PRKAR1A: variants seen among roughly 807,000 people sequenced by gnomAD.
The protein encoded by PRKAR1A is cAMP-dependent protein kinase type I-alpha regulatory subunit.
A neutral mutation model predicts 52.0 loss-of-function variants in PRKAR1A; 3 were observed. That is an observed-to-expected ratio of 0.06 (90% CI 0.03 to 0.15). The LOEUF is 0.15. Among genes scored for constraint, PRKAR1A ranks in the 10% least tolerant of loss-of-function variants. The pLI, the probability that PRKAR1A is intolerant of heterozygous loss-of-function variation, is 1.00. For synonymous variants in PRKAR1A, 188 were observed against 168.4 expected (o/e 1.12, Z -0.90); for missense variants, 240 against 477.4 (o/e 0.50, Z 4.63).
chr17:68,487,708 G>C, the PRKAR1A span, among the ~76,000 whole-genome samples: 1 of 151,972 alleles, frequency 6.6e-6, no homozygotes, highest in East Asian at 1.9e-4. Flanking sequence ...GGCTGAGGCA[G>C]GAGAATGGCT....
chr17:68,483,052 G>T, the PRKAR1A span, among the ~76,000 whole-genome samples: 4 of 151,998 alleles, frequency 2.6e-5, no homozygotes, highest in South Asian at 8.3e-4. Flanking sequence ...AGTCAGAAAA[G>T]AATTTCTTAT....
At chr17:68,428,822 T>C in the PRKAR1A span, 4 of 1,608,542 alleles carry the variant, frequency 2.5e-6, no homozygotes, top group East Asian at 8.9e-5. Context: ...AAAAGCAGTC[T>C]CTTCACCTGT....
chr17:68,466,965 G>T, the PRKAR1A span, among the ~76,000 whole-genome samples: 20 of 152,064 alleles, frequency 1.3e-4, no homozygotes, highest in Non-Finnish European at 2.9e-5. Flanking sequence ...TCAGCTTTCT[G>T]TTTCTATGGA....
the PRKAR1A span, among the ~76,000 whole-genome samples, chr17:68,485,736 T>A: frequency 6.6e-6 from 1 of 152,142 alleles, no homozygotes; most frequent in Non-Finnish European, 1.5e-5. Context: ...TAAAGAAACA[T>A]ACTTTAAGTT....
At chr17:68,517,825 A>G (rs1410411647) in intron 2 of PRKAR1A, among the ~76,000 whole-genome samples, 1 of 152,162 alleles carries the variant, frequency 6.6e-6, no homozygotes, top group African/African-American at 2.4e-5. Flanking sequence ...TTCAAGTCCA[A>G]AGTCTCATCT....
At chr17:68,455,601 G>A in the PRKAR1A span, among the ~76,000 whole-genome samples, 1 of 152,176 alleles carries the variant, frequency 6.6e-6, no homozygotes, top group Non-Finnish European at 1.5e-5. Context: ...GCAACTGACT[G>A]TGACAAGAAC....
downstream of PRKAR1A, chr17:68,537,462 G>A (rs914185104): frequency 1.2e-5 from 19 of 1,613,930 alleles, no homozygotes; most frequent in Non-Finnish European, 1.5e-5. This position sits in a 1 kb window ranked among gnomAD's most constrained non-coding sequence, Gnocchi z 4.2. Flanking sequence ...TTCTGAAACT[G>A]GACTCTGCCA....
chr17:68,479,382 A>G, the PRKAR1A span, among the ~76,000 whole-genome samples: 23 of 151,960 alleles, frequency 1.5e-4, no homozygotes, highest in South Asian at 8.3e-4. Flanking sequence ...TGATTTTGCA[A>G]TTTTGCTTTG....
chr17:68,438,340 A>G, the PRKAR1A span, among the ~76,000 whole-genome samples: 3 of 152,148 alleles, frequency 2.0e-5, no homozygotes, highest in Admixed American at 1.3e-4. Flanking sequence ...GGAAACCCCA[A>G]TTCCTCACCC....
chr17:68,499,147 C>T, the PRKAR1A span, among the ~76,000 whole-genome samples: 2 of 152,218 alleles, frequency 1.3e-5, no homozygotes, highest in Non-Finnish European at 2.9e-5. Context: ...GTCATGAGCT[C>T]TTCAGACTCA....
the PRKAR1A span, among the ~76,000 whole-genome samples, chr17:68,458,768 G>A: frequency 6.6e-6 from 1 of 152,142 alleles, no homozygotes; most frequent in Non-Finnish European, 1.5e-5. Flanking sequence ...AACTGCTGAT[G>A]GATTTTTAAT....
At chr17:68,542,237 A>C in intron 11 of PRKAR1A, 1 of 1,536,344 alleles carries the variant, frequency 6.5e-7, no homozygotes, top group Admixed American at 1.7e-5. Context: ...TGGCCTAGGA[A>C]ATCCACTGGG....
chr17:68,526,011 G>A, intron 7 of PRKAR1A, 99 bp downstream of exon 7: 1 of 1,405,214 alleles, frequency 7.1e-7, no homozygotes, highest in Non-Finnish European at 9.8e-7. Flanking sequence ...TTCTTTTAAT[G>A]AGCAAATATT....
chr17:68,530,737 G>T lies in PRKAR1A; in HGVS notation c.*288G>T. ...TGGGCAGTGAGTGCCATGCTTTTTG[G>T]TGAGGGCAGATCCCAGCACCTATTG... On this transcript the variant is annotated 3_prime_UTR_variant, in exon 11 of 11. Coordinates refer to ENST00000589228, the MANE Select transcript of PRKAR1A (RefSeq NM_002734.5). 4 of 1,344,732 alleles carry T rather than the reference G, an allele frequency of 3.0e-6. No homozygotes were observed. Among genetic ancestry groups the T allele is most frequent in the East Asian group, 3.1e-5 (1 of 32,370 alleles). 83.3% of individuals were successfully genotyped at this position (1,344,732 alleles called of 1,614,324 possible). A position where few individuals can be genotyped will look rare whatever the true frequency, so the allele number is the denominator to read the frequency against.
chr17:68,477,568 T>C, the PRKAR1A span, among the ~76,000 whole-genome samples: 1 of 152,230 alleles, frequency 6.6e-6, no homozygotes, highest in Non-Finnish European at 1.5e-5. Context: ...CTTATTTCCA[T>C]ATTATTCAAC....
Position 68,531,323 on chromosome 17 carries a change from G to T in PRKAR1A, c.*874G>T. 6 of 1,066,028 alleles carry T rather than the reference G, an allele frequency of 5.6e-6. No individual in the cohort carries two copies. Among genetic ancestry groups the T allele is most frequent in the Non-Finnish European group, 6.8e-6 (6 of 879,550 alleles). The allele number at this position is 1,066,028 out of a possible 1,614,324, so 66.0% of individuals were successfully genotyped here. On this transcript the variant is annotated 3_prime_UTR_variant, in exon 11 of 11. Transcript: ENST00000589228. The stretch of plus-strand genomic sequence containing the variant: ...TCTTGGTTGTTAATTTAGAGCGTTT[G>T]GTTAAAGTATGTCCTTCAGCTGACT...
the PRKAR1A span, among the ~76,000 whole-genome samples, chr17:68,458,232 T>C: frequency 6.6e-6 from 1 of 152,196 alleles, no homozygotes; most frequent in African/African-American, 2.4e-5. Context: ...TGAATTCTTA[T>C]AAAACTTGTG....
intron 2 of PRKAR1A, among the ~76,000 whole-genome samples, chr17:68,520,489 T>C (rs2085570598): frequency 6.6e-6 from 1 of 152,230 alleles, no homozygotes; most frequent in Admixed American, 6.5e-5. Flanking sequence ...AACATTTGTA[T>C]GTTTTTATGG....
At chr17:68,444,133 G>A in the PRKAR1A span, among the ~76,000 whole-genome samples, 5 of 152,074 alleles carry the variant, frequency 3.3e-5, no homozygotes, top group African/African-American at 7.2e-5. Context: ...TAATTATCAC[G>A]CCTACTCTGT....
Sources: gnomAD v4.1 joint callset for allele counts (sites outside exome capture counted in the v4.1 genomes callset) on GRCh38, gnomAD v4.1.1 for gene constraint, Gnocchi (gnomAD v3.1) non-coding constraint, MANE v1.5 for transcripts, NCBI Gene and HGNC (gene_info 2026-07-23, HGNC 2026-07-21) for gene names.